CTNNA3: variants seen among roughly 807,000 people sequenced by gnomAD.
CTNNA3 encodes catenin alpha-3.
CTNNA3 carries 76 observed loss-of-function variants against 95.7 expected under a neutral mutation model. That is an observed-to-expected ratio of 0.79 (90% CI 0.66 to 0.96). The LOEUF (loss-of-function observed/expected upper bound fraction) is 0.96. Ranked by LOEUF, CTNNA3 falls within the 40% of genes least tolerant of loss-of-function variation. CTNNA3 has a pLI of 0.00. For missense variants in CTNNA3, 1,191 were observed against 1,089.8 expected (o/e 1.09, Z -1.31); for synonymous variants, 431 against 374.4 (o/e 1.15, Z -1.74).
chr10:67,523,184 C>T lies in CTNNA3; in HGVS notation c.460-1223G>A, dbSNP rs1589387099. 2.6e-5 allele frequency among the ~76,000 whole-genome samples: 4 copies of T among 152,284 alleles called. No individual in the cohort carries two copies. The East Asian group carries it at 7.7e-4, about 29-fold the overall frequency. On this transcript the variant is annotated intron_variant, in intron 4 of 17. Coordinates refer to ENST00000433211, the MANE Select transcript of CTNNA3 (RefSeq NM_013266.4). ...AATGGGAAATAACAGTGCTAAGCTT[C>T]CATGACAGGACAGTAAATTAAATTC...
chr10:66,034,383 T>C (rs1378701823), intron 15 of CTNNA3, among the ~76,000 whole-genome samples: 1 of 152,128 alleles, frequency 6.6e-6, no homozygotes, highest in Non-Finnish European at 1.5e-5. Flanking sequence ...TACTAGAGAA[T>C]TCTGAGAATG....
intron 7 of CTNNA3, among the ~76,000 whole-genome samples, chr10:67,165,832 T>C (rs1436650916): frequency 1.3e-5 from 2 of 152,164 alleles, no homozygotes; most frequent in African/African-American, 4.8e-5. Flanking sequence ...AGTCAGAAAC[T>C]AAATAAAATG....
chr10:66,086,606 C>G (rs1175205730), intron 14 of CTNNA3, among the ~76,000 whole-genome samples: 2 of 151,946 alleles, frequency 1.3e-5, no homozygotes, highest in African/African-American at 4.8e-5. Context: ...GAAAAAATTA[C>G]CACAAAAAAC....
intron 7 of CTNNA3, among the ~76,000 whole-genome samples, chr10:67,064,119 G>A (rs1034910903): frequency 3.3e-5 from 5 of 152,136 alleles, no homozygotes; most frequent in African/African-American, 1.2e-4. Flanking sequence ...CTTCCCAGAT[G>A]TGTTAGCCTA....
At chr10:66,633,906 C>T (rs7092135) in intron 9 of CTNNA3, among the ~76,000 whole-genome samples, 3,650 of 151,902 alleles carry the variant, frequency 0.024, 90 homozygotes, top group African/African-American at 0.056. Context: ...TACAAAAAAA[C>T]GCGATTGATG....
chr10:66,113,527 T>C (rs1226429222), intron 13 of CTNNA3, among the ~76,000 whole-genome samples: 1 of 152,126 alleles, frequency 6.6e-6, no homozygotes, highest in Non-Finnish European at 1.5e-5. Flanking sequence ...AGATTCAAGG[T>C]CAAACGCTGC....
At chr10:66,381,010 CA>C (rs1369448511) in intron 11 of CTNNA3, among the ~76,000 whole-genome samples, 2 of 152,052 alleles carry the variant, frequency 1.3e-5, no homozygotes, top group African/African-American at 4.8e-5. Flanking sequence ...AGAAGGTTAA[CA>C]AGGATATCCA....
intron 4 of CTNNA3, among the ~76,000 whole-genome samples, chr10:67,537,050 C>T (rs1840508319): frequency 6.6e-6 from 1 of 152,126 alleles, no homozygotes; most frequent in Non-Finnish European, 1.5e-5. Context: ...GATGCCACTT[C>T]CTTTTTCATA....
intron 5 of CTNNA3, among the ~76,000 whole-genome samples, chr10:67,401,298 C>T (rs1224567158): frequency 2.0e-5 from 3 of 152,124 alleles, no homozygotes; most frequent in African/African-American, 7.2e-5. Flanking sequence ...TCAAAACTTG[C>T]CATACTTTTA....
chr10:67,291,975 G>A (rs1391583178), intron 5 of CTNNA3, among the ~76,000 whole-genome samples: 1 of 152,158 alleles, frequency 6.6e-6, no homozygotes, highest in Non-Finnish European at 1.5e-5. Context: ...GTTCAACAAA[G>A]TATGAACAGC....
At chr10:66,227,919 A>T (rs892721393) in intron 13 of CTNNA3, among the ~76,000 whole-genome samples, 1 of 152,054 alleles carries the variant, frequency 6.6e-6, no homozygotes, top group Non-Finnish European at 1.5e-5. Context: ...TGTATCCAAA[A>T]ATTTATTCAT....
At chr10:65,937,307 T>C (rs1354634402) in intron 17 of CTNNA3, among the ~76,000 whole-genome samples, 1 of 152,152 alleles carries the variant, frequency 6.6e-6, no homozygotes, top group Non-Finnish European at 1.5e-5. Flanking sequence ...TTTCCTGTTT[T>C]ACAAACTTCA....
chr10:67,237,530 T>C (rs1204208385), intron 5 of CTNNA3, among the ~76,000 whole-genome samples: 1 of 151,716 alleles, frequency 6.6e-6, no homozygotes. Flanking sequence ...CAATAACTTA[T>C]GGAAATTTTT....
intron 7 of CTNNA3, among the ~76,000 whole-genome samples, chr10:66,886,408 C>T (rs1210006687): frequency 1.3e-5 from 2 of 152,046 alleles, no homozygotes; most frequent in African/African-American, 4.8e-5. Context: ...GTCTCCAATC[C>T]CAATGTCTGC....
intron 9 of CTNNA3, among the ~76,000 whole-genome samples, chr10:66,716,846 CA>C (rs1401269027): frequency 6.6e-6 from 1 of 151,854 alleles, no homozygotes; most frequent in Non-Finnish European, 1.5e-5. Context: ...TCTATCAAAG[CA>C]AAAAAACTTG....
intron 6 of CTNNA3, among the ~76,000 whole-genome samples, chr10:67,205,747 G>A (rs909502731): frequency 3.9e-5 from 6 of 152,108 alleles, no homozygotes; most frequent in African/African-American, 1.4e-4. Flanking sequence ...TGTTTCTGAG[G>A]AAAAGGTAAG....
At chr10:65,920,891 G>T (rs2077076126) in intron 17 of CTNNA3, among the ~76,000 whole-genome samples, 1 of 152,132 alleles carries the variant, frequency 6.6e-6, no homozygotes, top group Admixed American at 6.5e-5. Context: ...ACAATAAGCT[G>T]CTCAATATTG....
chr10:67,066,060 G>A (rs965133720), intron 7 of CTNNA3, among the ~76,000 whole-genome samples: 4 of 152,038 alleles, frequency 2.6e-5, no homozygotes, highest in Non-Finnish European at 5.9e-5. Context: ...AGGTTATTTA[G>A]GGTCTGTGTG....
chr10:66,026,065 T>C (rs2079327639), intron 15 of CTNNA3, among the ~76,000 whole-genome samples: 1 of 152,190 alleles, frequency 6.6e-6, no homozygotes, highest in South Asian at 2.1e-4. Flanking sequence ...GAGCGTATCA[T>C]TAAAGATCCT....
Sources: gnomAD v4.1 joint callset for allele counts (sites outside exome capture counted in the v4.1 genomes callset) on GRCh38, gnomAD v4.1.1 for gene constraint, MANE v1.5 for transcripts, NCBI Gene and HGNC (gene_info 2026-07-23, HGNC 2026-07-21) for gene names.